Variants in CPED1 observed in about 807,000 individuals in gnomAD.
CPED1 encodes cadherin-like and PC-esterase domain-containing protein 1.
A neutral mutation model predicts 128.2 loss-of-function variants in CPED1; 114 were observed. That is an observed-to-expected ratio of 0.89 (90% CI 0.76 to 1.04). The LOEUF (loss-of-function observed/expected upper bound fraction) is 1.04. CPED1 is among the 50% of genes least tolerant of loss of function. The probability of loss-of-function intolerance (pLI) is 0.00; values close to 1 mark genes in which losing one functional copy is unlikely to be tolerated. For synonymous variants in CPED1, 462 were observed against 426.7 expected, an observed-to-expected ratio of 1.08 and a Z score of -1.02; for missense variants, 1,211 against 1,207.1, an observed-to-expected ratio of 1.00 and a Z score of -0.05.
At chr7:121,214,993 T>C (rs576347430) in intron 16 of CPED1, among the ~76,000 whole-genome samples, 1 of 152,198 alleles carries the variant, frequency 6.6e-6, no homozygotes, top group African/African-American at 2.4e-5. Flanking sequence ...GTATTCCATA[T>C]GTCACTTGGT....
chr7:121,281,493 T>A (rs1359947465), intron 22 of CPED1, among the ~76,000 whole-genome samples: 4 of 152,172 alleles, frequency 2.6e-5, no homozygotes, highest in Non-Finnish European at 5.9e-5. Flanking sequence ...GTACCCACGT[T>A]TTTAATGGTG....
At chr7:121,212,312 A>G (rs896883626) in intron 16 of CPED1, among the ~76,000 whole-genome samples, 1 of 151,970 alleles carries the variant, frequency 6.6e-6, no homozygotes, top group Non-Finnish European at 1.5e-5. Context: ...CTGGGAAGAA[A>G]AAATTGCAAT....
intron 5 of CPED1, among the ~76,000 whole-genome samples, chr7:121,073,889 A>C (rs1022618572): frequency 4.7e-5 from 7 of 149,560 alleles, no homozygotes; most frequent in Non-Finnish European, 7.4e-5. Context: ...ATGTAAAGCC[A>C]TGCACAACAT....
At chr7:121,179,014 A>C (rs1465746151) in intron 16 of CPED1, among the ~76,000 whole-genome samples, 1 of 152,110 alleles carries the variant, frequency 6.6e-6, no homozygotes, top group Non-Finnish European at 1.5e-5. Flanking sequence ...CAGCACATAC[A>C]GCAGAAAAAC....
intron 2 of CPED1, among the ~76,000 whole-genome samples, chr7:121,010,868 T>C (rs1397596444): frequency 6.6e-6 from 1 of 152,224 alleles, no homozygotes; most frequent in Non-Finnish European, 1.5e-5. Context: ...TAAAGTGTCC[T>C]GCAATTATAA....
intron 5 of CPED1, among the ~76,000 whole-genome samples, chr7:121,087,680 TGGCAGAGTCTTTCTCAG>T (rs1794466066): frequency 6.7e-6 from 1 of 148,788 alleles, no homozygotes. Context: ...TTTTTTTTTT[TGGCAGAGTCTTTCTCAG>T]TTGCCCAGGC....
At position 121,003,853 on chromosome 7, in the gene CPED1, G is replaced by A. The variant is rs185098276; in HGVS notation, c.250-11812G>A. ...GTAAACTGAAAGGACCAGATAAGAA[G>A]GCCACGGAGAGTGAATAGCCATGAG... On this transcript the variant is annotated intron_variant, in intron 2 of 22. Coordinates refer to ENST00000310396, the MANE Select transcript of CPED1 (RefSeq NM_024913.5). 2.7e-3 allele frequency among the ~76,000 whole-genome samples: 408 copies of A among 152,246 alleles called. 1 individual carries two copies. Among genetic ancestry groups the A allele is most frequent in the Non-Finnish European group, 4.7e-3 (320 of 68,014 alleles).
chr7:121,209,889 A>T (rs1255594649), intron 16 of CPED1, among the ~76,000 whole-genome samples: 1 of 152,062 alleles, frequency 6.6e-6, no homozygotes, highest in Non-Finnish European at 1.5e-5. Flanking sequence ...CACATAAACC[A>T]TATAAACAAC....
At chr7:120,994,625 C>CTGTGTGTGTG (rs35288728) in intron 2 of CPED1, among the ~76,000 whole-genome samples, 40,483 of 144,052 alleles carry the variant, frequency 0.28, 6,224 homozygotes, top group South Asian at 0.41. Flanking sequence ...ATTTGTTATA[C>CTGTGTGTGTG]TGTGTGTGTG....
intron 3 of CPED1, among the ~76,000 whole-genome samples, chr7:121,040,178 G>C (rs369528531): frequency 1.0e-3 from 154 of 152,194 alleles, no homozygotes; most frequent in African/African-American, 3.6e-3. Flanking sequence ...TTGAGGTGAA[G>C]AGACCAGATT....
intron 5 of CPED1, among the ~76,000 whole-genome samples, chr7:121,092,859 C>A (rs1247419767): frequency 6.6e-6 from 1 of 152,158 alleles, no homozygotes; most frequent in African/African-American, 2.4e-5. Flanking sequence ...GGCCACTTAT[C>A]TTCTCCATTA....
chr7:121,287,209 G>A (rs988425745), intron 22 of CPED1, among the ~76,000 whole-genome samples: 4 of 151,944 alleles, frequency 2.6e-5, no homozygotes, highest in African/African-American at 7.3e-5. Flanking sequence ...ACCATGGTAG[G>A]ACAAGTAGCA....
intron 18 of CPED1, among the ~76,000 whole-genome samples, chr7:121,265,512 A>G (rs185480801): frequency 6.4e-4 from 97 of 152,228 alleles, no homozygotes; most frequent in African/African-American, 2.2e-3. Context: ...TGAGCACACA[A>G]ATGAGATAGC....
intron 12 of CPED1, among the ~76,000 whole-genome samples, chr7:121,130,763 A>G (rs1300110042): frequency 6.6e-6 from 1 of 152,044 alleles, no homozygotes; most frequent in East Asian, 1.9e-4. Context: ...GTCACAATTG[A>G]TTCCTATTTT....
rs553365933 is a variant in CPED1, at chr7:121,267,147, T to C, written c.2634-68T>C. On this transcript the variant is annotated intron_variant, in intron 20 of 22. Coordinates refer to ENST00000310396, the MANE Select transcript of CPED1 (RefSeq NM_024913.5). ...GAAAGAATTCTATGGTATTTGTTTA[T>C]ATAAACAACAAACATCTAGAAATGT... 5 of 868,836 alleles carry C rather than the reference T, an allele frequency of 5.8e-6. No individual in the cohort carries two copies. The East Asian group carries it at 9.9e-5, about 17-fold the overall frequency. The allele number at this position is 868,836 out of a possible 1,614,324, so 53.8% of individuals were successfully genotyped here. A position where few individuals can be genotyped will look rare whatever the true frequency, so the allele number is the denominator to read the frequency against.
At chr7:121,185,520 T>G (rs1796983960) in intron 16 of CPED1, among the ~76,000 whole-genome samples, 1 of 152,120 alleles carries the variant, frequency 6.6e-6, no homozygotes, top group African/African-American at 2.4e-5. Context: ...CATCAAAAAT[T>G]GTTGTTTTAT....
At position 121,216,630 on chromosome 7, in the gene CPED1, A is replaced by G. The variant is rs184170444; in HGVS notation, c.2056-20084A>G. Among the ~76,000 whole-genome samples, 108 of 152,078 alleles carry G rather than the reference A, an allele frequency of 7.1e-4. No homozygotes were observed. In the Middle Eastern group the frequency reaches 0.014, roughly 19 times the overall value. The stretch of plus-strand genomic sequence containing the variant: ...CTATATAGAACCCCTATTCTCCCCA[A>G]AGGAGACCACCCAGTTCAGAGTCTT... On this transcript the variant is annotated intron_variant, in intron 16 of 22. Transcript: ENST00000310396.
At chr7:121,294,601 G>A (rs1274682046) in intron 22 of CPED1, among the ~76,000 whole-genome samples, 1 of 152,034 alleles carries the variant, frequency 6.6e-6, no homozygotes. Context: ...ATTGGAAAAG[G>A]GTGATTCAGA....
At chr7:121,092,618 G>A (rs1467035943) in intron 5 of CPED1, among the ~76,000 whole-genome samples, 2 of 152,146 alleles carry the variant, frequency 1.3e-5, no homozygotes, top group Non-Finnish European at 2.9e-5. Flanking sequence ...TCTACCTTGG[G>A]ATATGTTTTC....
Sources: allele counts gnomAD v4.1 joint callset (sites outside exome capture counted in the v4.1 genomes callset), GRCh38; gene constraint gnomAD v4.1.1; transcripts MANE v1.5; gene names NCBI Gene and HGNC (gene_info 2026-07-23, HGNC 2026-07-21).